The following NTM variants were observed in gnomAD, a reference collection of about 807,000 sequenced individuals.
NTM encodes neurotrimin, also known as IgLON family member 2.
Under a neutral mutation model 42.1 loss-of-function variants are expected in NTM, and 13 were observed. That is an observed-to-expected ratio of 0.31 (90% CI 0.20 to 0.49). NTM has a LOEUF of 0.49. Among genes scored for constraint, NTM ranks in the 20% least tolerant of loss-of-function variants. The pLI, the probability that NTM is intolerant of heterozygous loss-of-function variation, is 0.99. For missense variants in NTM, 373 were observed against 452.8 expected (o/e 0.82, Z 1.60); for synonymous variants, 187 against 179.2 (o/e 1.04, Z -0.35).
chr11:131,884,229 G>C (rs893218082), intron 1 of NTM, among the ~76,000 whole-genome samples: 6 of 152,000 alleles, frequency 3.9e-5, no homozygotes, highest in Non-Finnish European at 8.8e-5. Flanking sequence ...GACCAACATG[G>C]AGAAACCCTA....
chr11:132,073,612 G>C (rs116280067), intron 2 of NTM, among the ~76,000 whole-genome samples: 1 of 152,184 alleles, frequency 6.6e-6, no homozygotes, highest in African/African-American at 2.4e-5. Context: ...AAAACCTCAG[G>C]CCAAAACTCC....
chr11:132,186,837 A>G (rs565605071), intron 3 of NTM, among the ~76,000 whole-genome samples: 3 of 152,202 alleles, frequency 2.0e-5, no homozygotes, highest in Non-Finnish European at 4.4e-5. Context: ...CCCTTCTTCC[A>G]GTTCTCATCC....
At chr11:131,417,349 A>G (rs1230340769) in intron 1 of NTM, among the ~76,000 whole-genome samples, 1 of 152,202 alleles carries the variant, frequency 6.6e-6, no homozygotes, top group African/African-American at 2.4e-5. Context: ...TATAACCTGT[A>G]TTTGATGTGG....
Position 131,938,797 on chromosome 11 carries a change from C to T in NTM, c.167+27149C>T, listed in dbSNP as rs76092927. Among the ~76,000 whole-genome samples the T allele has an allele frequency of 3.6e-3, 551 of 152,070 alleles. 4 individuals carry two copies. The highest frequency in any genetic ancestry group is 0.012 in the African/African-American group (497 of 41,480). ...CATATATTTTAAGGAACACTGAGGA[C>T]GTGATGCTGGAATTTGTGATGAGAG... is the stretch of plus-strand genomic sequence containing the variant. On this transcript the variant is annotated intron_variant, in intron 2 of 8. Coordinates refer to ENST00000683400, the MANE Select transcript of NTM (RefSeq NM_001352005.2).
At chr11:131,501,742 T>C (rs760383228) in intron 1 of NTM, among the ~76,000 whole-genome samples, 1 of 151,774 alleles carries the variant, frequency 6.6e-6, no homozygotes, top group Non-Finnish European at 1.5e-5. Context: ...TGTTGCAGAG[T>C]TGGATATGGA....
At chr11:132,135,760 C>T (rs968100421) in intron 2 of NTM, among the ~76,000 whole-genome samples, 4 of 152,156 alleles carry the variant, frequency 2.6e-5, no homozygotes, top group Admixed American at 6.5e-5. Flanking sequence ...TGGAAGGGGC[C>T]GAGGGGCCTG....
At chr11:132,033,235 G>A (rs1473704327) in intron 2 of NTM, among the ~76,000 whole-genome samples, 8 of 152,194 alleles carry the variant, frequency 5.3e-5, no homozygotes, top group African/African-American at 1.7e-4. Context: ...ATCATCCCCA[G>A]CTAGATGATG....
chr11:131,552,264 T>A (rs748011568), intron 1 of NTM, among the ~76,000 whole-genome samples: 1 of 152,176 alleles, frequency 6.6e-6, no homozygotes, highest in Non-Finnish European at 1.5e-5. Flanking sequence ...ATGGTAAGTA[T>A]CACGCACGGC....
chr11:131,832,334 G>A (rs1361079200), intron 1 of NTM, among the ~76,000 whole-genome samples: 1 of 151,996 alleles, frequency 6.6e-6, no homozygotes, highest in Admixed American at 6.6e-5. Context: ...CTGAGCATGT[G>A]ATGTTTGGCA....
chr11:131,414,094 G>C (rs1429768319), intron 1 of NTM, among the ~76,000 whole-genome samples: 1 of 152,172 alleles, frequency 6.6e-6, no homozygotes. Context: ...TCTTCCACCA[G>C]TGTCGCTCCT....
chr11:131,973,053 T>C (rs573932652), intron 2 of NTM, among the ~76,000 whole-genome samples: 158 of 152,380 alleles, frequency 1.0e-3, no homozygotes, highest in Non-Finnish European at 1.8e-3. Flanking sequence ...ATTCGTTCTT[T>C]AGGATCTGTG....
intron 1 of NTM, among the ~76,000 whole-genome samples, chr11:131,421,217 C>T (rs1190491697): frequency 1.3e-5 from 2 of 152,212 alleles, no homozygotes; most frequent in Non-Finnish European, 2.9e-5. Flanking sequence ...TCCCCTGGAG[C>T]CTAGGGAATG....
intron 3 of NTM, among the ~76,000 whole-genome samples, chr11:132,194,814 C>CTTTTTTT (rs902871492): frequency 3.6e-5 from 4 of 110,650 alleles, no homozygotes; most frequent in African/African-American, 7.4e-5. Context: ...GCATTTCTTC[C>CTTTTTTT]TTTTTTTTTT....
intron 3 of NTM, among the ~76,000 whole-genome samples, chr11:132,154,421 T>C (rs191742477): frequency 6.6e-6 from 1 of 152,332 alleles, no homozygotes; most frequent in Non-Finnish European, 1.5e-5. Context: ...AGGGGAAAGA[T>C]TGCCAAAGAC....
chr11:131,820,049 T>G (rs1194764756), intron 1 of NTM, among the ~76,000 whole-genome samples: 1 of 152,238 alleles, frequency 6.6e-6, no homozygotes, highest in Non-Finnish European at 1.5e-5. Context: ...AATTGTTGCA[T>G]CTCTCACTTT....
chr11:131,582,595 T>TA (rs10674279), intron 1 of NTM, among the ~76,000 whole-genome samples: 16,484 of 149,712 alleles, frequency 0.11, 1,051 homozygotes, highest in Middle Eastern at 0.18. Context: ...TGTTCTTGCT[T>TA]AAAAAAAAAA....
chr11:132,035,400 G>T (rs756705312), intron 2 of NTM, among the ~76,000 whole-genome samples: 1 of 152,212 alleles, frequency 6.6e-6, no homozygotes, highest in Non-Finnish European at 1.5e-5. Context: ...CTAACACCGA[G>T]CAGAATGCTA....
At chr11:131,433,031 T>C (rs1472824282) in intron 1 of NTM, among the ~76,000 whole-genome samples, 1 of 151,208 alleles carries the variant, frequency 6.6e-6, no homozygotes, top group African/African-American at 2.4e-5. Context: ...ATTTTTTGTA[T>C]TCTTTTTAGT....
chr11:131,688,656 C>T (rs977864181), intron 1 of NTM, among the ~76,000 whole-genome samples: 9 of 152,242 alleles, frequency 5.9e-5, no homozygotes, highest in African/African-American at 2.2e-4. Flanking sequence ...CCAGCATCTA[C>T]CAGGCAGCAG....
Sources: gnomAD v4.1 joint callset for allele counts (sites outside exome capture counted in the v4.1 genomes callset) on GRCh38, gnomAD v4.1.1 for gene constraint, MANE v1.5 for transcripts, NCBI Gene and HGNC (gene_info 2026-07-23, HGNC 2026-07-21) for gene names.